The following ADAM18 variants were observed in gnomAD, a reference collection of about 807,000 sequenced individuals.
ADAM18 encodes the protein disintegrin and metalloproteinase domain-containing protein 18.
Under a neutral mutation model 94.4 loss-of-function variants are expected in ADAM18, and 117 were observed. The observed-to-expected ratio is 1.24, with a 90% CI of 1.07 to 1.45. The LOEUF (loss-of-function observed/expected upper bound fraction) is 1.45, where lower values mean the gene tolerates loss of function less well. Among genes scored for constraint, ADAM18 ranks in the 40% most tolerant of loss-of-function variants. ADAM18 has a pLI of 0.00. For missense variants in ADAM18, 936 were observed against 880.0 expected, an observed-to-expected ratio of 1.06 and a Z score of -0.81; for synonymous variants, 327 against 291.6, an observed-to-expected ratio of 1.12 and a Z score of -1.24.
intron 18 of ADAM18, among the ~76,000 whole-genome samples, chr8:39,723,536 C>T (rs1306474580): frequency 6.6e-6 from 1 of 151,534 alleles, no homozygotes; most frequent in Non-Finnish European, 1.5e-5. Context: ...AACATGTATA[C>T]AGCAGGTTAA....
Position 39,702,731 on chromosome 8 carries a change from T to G in ADAM18, c.1903-4059T>G, listed in dbSNP as rs192990572. 2.3e-4 allele frequency among the ~76,000 whole-genome samples: 35 copies of G among 152,350 alleles called. No homozygotes were observed. The East Asian group carries it at 5.4e-3, about 23-fold the overall frequency. ...AGCCAGTTATCTCAGCACCATTTGT[T>G]GAATAGAGTATCCACTCCCCATTGT... On this transcript the variant is annotated intron_variant, in intron 17 of 19. Coordinates refer to ENST00000265707, the MANE Select transcript of ADAM18 (RefSeq NM_014237.3).
chr8:39,689,839 T>C (rs1234590919), intron 16 of ADAM18, among the ~76,000 whole-genome samples: 1 of 152,154 alleles, frequency 6.6e-6, no homozygotes, highest in Admixed American at 6.5e-5. Flanking sequence ...GCATGGAATG[T>C]GTTTCTATTT....
intron 14 of ADAM18, among the ~76,000 whole-genome samples, chr8:39,669,167 G>T (rs1821079083): frequency 6.6e-6 from 1 of 150,552 alleles, no homozygotes; most frequent in South Asian, 2.1e-4. Flanking sequence ...CTTTCTGTAA[G>T]GTTCATTAAG....
intron 2 of ADAM18, among the ~76,000 whole-genome samples, chr8:39,601,776 T>A (rs918102201): frequency 6.6e-6 from 1 of 152,186 alleles, no homozygotes; most frequent in Non-Finnish European, 1.5e-5. Flanking sequence ...ATCTCTAGAA[T>A]TTTTTTATAT....
intron 18 of ADAM18, among the ~76,000 whole-genome samples, chr8:39,721,659 A>T (rs1822752801): frequency 6.6e-6 from 1 of 151,746 alleles, no homozygotes; most frequent in African/African-American, 2.4e-5. Flanking sequence ...CATATGAAGA[A>T]ATGATCAGCA....
chr8:39,670,791 G>A (rs1014863397), intron 14 of ADAM18, among the ~76,000 whole-genome samples: 3 of 152,216 alleles, frequency 2.0e-5, no homozygotes, highest in Non-Finnish European at 4.4e-5. Context: ...TCATCAAGTA[G>A]TCTTCAGCTA....
chr8:39,723,572 CAG>C (rs1398678367), intron 18 of ADAM18, among the ~76,000 whole-genome samples, 174 bp from the exon 19 acceptor site: 2 of 151,514 alleles, frequency 1.3e-5, no homozygotes, highest in African/African-American at 4.8e-5. Flanking sequence ...TGTAAATAAA[CAG>C]AAAATCTATG....
chr8:39,601,410 G>A (rs1818901363), intron 2 of ADAM18, among the ~76,000 whole-genome samples: 1 of 152,154 alleles, frequency 6.6e-6, no homozygotes, highest in Non-Finnish European at 1.5e-5. Flanking sequence ...ACAGCTTTAT[G>A]CACATTTAGA....
intron 2 of ADAM18, among the ~76,000 whole-genome samples, chr8:39,593,267 T>C (rs1818630622): frequency 6.6e-6 from 1 of 152,178 alleles, no homozygotes; most frequent in Non-Finnish European, 1.5e-5. Flanking sequence ...TTTTATGTTA[T>C]GGGGCCATTG....
At chr8:39,586,135 A>G (rs1007089852) in intron 2 of ADAM18, among the ~76,000 whole-genome samples, 1 of 152,206 alleles carries the variant, frequency 6.6e-6, no homozygotes, top group Non-Finnish European at 1.5e-5. Flanking sequence ...ATTTTGGCAC[A>G]CAATATTGGG....
At chr8:39,717,235 C>T (rs1030951446) in intron 18 of ADAM18, among the ~76,000 whole-genome samples, 5 of 151,832 alleles carry the variant, frequency 3.3e-5, no homozygotes, top group East Asian at 1.9e-4. Context: ...TTACACCCTC[C>T]TCCACTCTGT....
intron 3 of ADAM18, 61 bp from the exon 4 acceptor site, chr8:39,608,981 T>G: frequency 2.1e-6 from 2 of 952,012 alleles, no homozygotes; most frequent in Non-Finnish European, 3.2e-6. Context: ...ATGTAATATT[T>G]GTTTTTAACA....
At chr8:39,717,322 T>C (rs1718207929) in intron 18 of ADAM18, among the ~76,000 whole-genome samples, 1 of 151,878 alleles carries the variant, frequency 6.6e-6, no homozygotes. Flanking sequence ...TTAATACTTT[T>C]GTCTTTTAAC....
chr8:39,632,088 A>C (rs1324023812), intron 7 of ADAM18, among the ~76,000 whole-genome samples: 1 of 151,772 alleles, frequency 6.6e-6, no homozygotes, highest in Non-Finnish European at 1.5e-5. Context: ...GTACACAATC[A>C]TATTATTTAT....
intron 7 of ADAM18, among the ~76,000 whole-genome samples, chr8:39,637,047 A>ATGTGTAT (rs1563285268): frequency 2.3e-5 from 3 of 130,790 alleles, no homozygotes; most frequent in Admixed American, 7.6e-5. Flanking sequence ...ATATATATAT[A>ATGTGTAT]TATATATATA....
At chr8:39,719,947 T>G (rs923337529) in intron 18 of ADAM18, among the ~76,000 whole-genome samples, 3 of 151,462 alleles carry the variant, frequency 2.0e-5, no homozygotes, top group African/African-American at 7.2e-5. Flanking sequence ...TCCATATAAA[T>G]GTATATAGTA....
intron 11 of ADAM18, among the ~76,000 whole-genome samples, chr8:39,647,781 G>C (rs868535314): frequency 6.6e-6 from 1 of 152,120 alleles, no homozygotes; most frequent in African/African-American, 2.4e-5. Flanking sequence ...AACAAGGCAC[G>C]TCCTGCACAG....
chr8:39,661,319 ATTTTTTT>A (rs71518171), intron 12 of ADAM18, among the ~76,000 whole-genome samples: 9 of 112,826 alleles, frequency 8.0e-5, no homozygotes, highest in East Asian at 3.8e-4. Context: ...CACCCGGCAA[ATTTTTTT>A]TTTTTTTTTT....
At chr8:39,705,313 A>C (rs2129581275) in intron 17 of ADAM18, among the ~76,000 whole-genome samples, 1 of 152,256 alleles carries the variant, frequency 6.6e-6, no homozygotes, top group African/African-American at 2.4e-5. Flanking sequence ...CTTTTGTTAA[A>C]GTTGCTTTGC....
Sources: gnomAD v4.1 joint callset for allele counts (sites outside exome capture counted in the v4.1 genomes callset) on GRCh38, gnomAD v4.1.1 for gene constraint, MANE v1.5 for transcripts, NCBI Gene and HGNC (gene_info 2026-07-23, HGNC 2026-07-21) for gene names.